SCLT1: variants seen among roughly 807,000 people sequenced by gnomAD.
SCLT1 encodes the protein sodium channel and clathrin linker 1.
A neutral mutation model predicts 112.8 loss-of-function variants in SCLT1; 78 were observed. The ratio of observed to expected loss-of-function variants is 0.69; its 90% confidence interval spans 0.58 to 0.83. The LOEUF (loss-of-function observed/expected upper bound fraction) is 0.83, where lower values mean the gene tolerates loss of function less well. Ranked by LOEUF, SCLT1 falls within the 40% of genes least tolerant of loss-of-function variation. The probability of loss-of-function intolerance (pLI) is 0.00; values close to 1 mark genes in which losing one functional copy is unlikely to be tolerated. For missense variants in SCLT1, 747 were observed against 770.4 expected (o/e 0.97, Z 0.36); for synonymous variants, 257 against 254.7 (o/e 1.01, Z -0.09).
intron 16 of SCLT1, among the ~76,000 whole-genome samples, 168 bp downstream of exon 16, chr4:128,945,839 A>G (rs1738105856): frequency 6.6e-6 from 1 of 152,180 alleles, no homozygotes; most frequent in South Asian, 2.1e-4. Flanking sequence ...TCCTGCAGAA[A>G]TTCGCTTTCA....
At chr4:129,028,467 T>C (rs987967570) in intron 5 of SCLT1, among the ~76,000 whole-genome samples, 6 of 152,196 alleles carry the variant, frequency 3.9e-5, no homozygotes, top group Non-Finnish European at 5.9e-5. Context: ...GAAAACTGGC[T>C]AGCCGTATGT....
chr4:128,880,580 C>T (rs943263674), downstream of SCLT1, among the ~76,000 whole-genome samples: 1 of 152,094 alleles, frequency 6.6e-6, no homozygotes, highest in African/African-American at 2.4e-5. Flanking sequence ...GGCTTAGAAA[C>T]AAAACCTTTG....
intron 17 of SCLT1, among the ~76,000 whole-genome samples, 184 bp from the exon 18 acceptor site, chr4:128,937,035 T>A (rs1161591510): frequency 6.6e-6 from 1 of 152,102 alleles, no homozygotes; most frequent in African/African-American, 2.4e-5. Flanking sequence ...TCCCAGCACT[T>A]TGGGAGGCCA....
intron 13 of SCLT1, among the ~76,000 whole-genome samples, chr4:128,956,146 G>C (rs1739196636): frequency 6.6e-6 from 1 of 152,120 alleles, no homozygotes; most frequent in Non-Finnish European, 1.5e-5. Flanking sequence ...CAATGCTTTT[G>C]AAAAATTCTA....
intron 1 of SCLT1, among the ~76,000 whole-genome samples, chr4:129,092,018 TG>T (rs1752873150): frequency 6.6e-6 from 1 of 152,242 alleles, no homozygotes; most frequent in Non-Finnish European, 1.5e-5. Flanking sequence ...CCAGTCTCCC[TG>T]TGCCCAACTT....
At chr4:129,087,043 C>T (rs1013413455) in intron 1 of SCLT1, among the ~76,000 whole-genome samples, 3 of 152,180 alleles carry the variant, frequency 2.0e-5, no homozygotes, top group South Asian at 4.1e-4. Flanking sequence ...ATTGCCCCAC[C>T]TTAATGACTT....
intron 5 of SCLT1, among the ~76,000 whole-genome samples, chr4:129,032,915 G>C (rs1035584011): frequency 2.6e-5 from 4 of 152,182 alleles, no homozygotes; most frequent in African/African-American, 4.8e-5. Flanking sequence ...CATTGTGGAA[G>C]ACAGTGTGGC....
rs139659741 is a variant in SCLT1 at position 129,030,216 on chromosome 4, G to A, written c.290+8825C>T. Among the ~76,000 whole-genome samples the A allele has an allele frequency of 3.4e-3, 519 of 152,190 alleles. 4 individuals carry two copies. Among genetic ancestry groups the A allele is most frequent in the African/African-American group, 0.012 (482 of 41,536 alleles). On this transcript the variant is annotated intron_variant, in intron 5 of 20. Transcript: ENST00000281142. ...CAACCTGTTCCTGAATGACTACTGC[G>A]TAAATAACAAAACTGAGACAGAAAT...
chr4:129,039,902 A>T (rs201001652), intron 4 of SCLT1: 1 of 2,898 alleles, frequency 3.5e-4, no homozygotes, highest in African/African-American at 8.3e-4. Context: ...GCGCGCGCGC[A>T]CACACACACA....
chr4:129,007,065 T>C (rs34610325), intron 5 of SCLT1, among the ~76,000 whole-genome samples: 2,184 of 152,306 alleles, frequency 0.014, 46 homozygotes, highest in African/African-American at 0.044. Flanking sequence ...CTAGTTACCT[T>C]TTTATTATTG....
chr4:129,076,333 C>T (rs1176632270), intron 2 of SCLT1, among the ~76,000 whole-genome samples: 1 of 152,092 alleles, frequency 6.6e-6, no homozygotes, highest in Non-Finnish European at 1.5e-5. Flanking sequence ...CCCTCCATAG[C>T]CACTCATACC....
chr4:128,941,912 C>G (rs1041487883), intron 17 of SCLT1, among the ~76,000 whole-genome samples: 2 of 152,066 alleles, frequency 1.3e-5, no homozygotes, highest in African/African-American at 4.8e-5. Context: ...GTTTTCCCCC[C>G]ACTGAACTGC....
chr4:128,976,709 C>T (rs991891539), intron 9 of SCLT1, among the ~76,000 whole-genome samples: 4 of 152,118 alleles, frequency 2.6e-5, no homozygotes, highest in African/African-American at 9.7e-5. Context: ...GTATGCAGCA[C>T]ATTTACATTT....
intron 18 of SCLT1, among the ~76,000 whole-genome samples, chr4:128,898,530 A>G (rs561125108): frequency 6.6e-6 from 1 of 152,350 alleles, no homozygotes; most frequent in South Asian, 2.1e-4. Context: ...AGCAGTGTGT[A>G]GAGGGAAATT....
chr4:129,080,875 TG>T (rs914728349), intron 2 of SCLT1, among the ~76,000 whole-genome samples: 3 of 152,190 alleles, frequency 2.0e-5, no homozygotes, highest in African/African-American at 7.2e-5. Context: ...CTGCAGTCTG[TG>T]GGAGAGAGAG....
At chr4:129,051,113 T>A (rs2125711610) in intron 2 of SCLT1, among the ~76,000 whole-genome samples, 1 of 152,304 alleles carries the variant, frequency 6.6e-6, no homozygotes, top group South Asian at 2.1e-4. Flanking sequence ...TACCATCCTG[T>A]TTTGGTTAGT....
chr4:129,045,558 T>C (rs13127992), intron 2 of SCLT1, among the ~76,000 whole-genome samples: 4,649 of 152,038 alleles, frequency 0.031, 93 homozygotes, highest in South Asian at 0.052. Context: ...ATCCCATAAG[T>C]AGTTCAAGAA....
intron 2 of SCLT1, among the ~76,000 whole-genome samples, chr4:129,075,697 C>T (rs928483366): frequency 5.3e-5 from 8 of 152,104 alleles, no homozygotes; most frequent in Non-Finnish European, 8.8e-5. Context: ...AATTATATAA[C>T]ATTTCTATCA....
chr4:128,931,196 C>A (rs10002274), intron 18 of SCLT1, among the ~76,000 whole-genome samples: 109,997 of 151,524 alleles, frequency 0.73, 40,187 homozygotes, highest in African/African-American at 0.81. Flanking sequence ...TTTTTTTCTC[C>A]AATGGGTAAA....
Sources: gnomAD v4.1 joint callset for allele counts (sites outside exome capture counted in the v4.1 genomes callset) on GRCh38, gnomAD v4.1.1 for gene constraint, MANE v1.5 for transcripts, NCBI Gene and HGNC (gene_info 2026-07-23, HGNC 2026-07-21) for gene names.